The following CASKIN1 variants were observed in gnomAD, a reference collection of about 807,000 sequenced individuals.
CASKIN1 encodes the protein caskin-1.
In CASKIN1, 42 loss-of-function variants were observed where a neutral mutation model predicts 117.5. The observed-to-expected ratio is 0.36, with a 90% CI of 0.28 to 0.46. The LOEUF (loss-of-function observed/expected upper bound fraction) is 0.46. Ranked by LOEUF, CASKIN1 falls within the 20% of genes least tolerant of loss-of-function variation. CASKIN1 has a pLI of 1.00. For synonymous variants in CASKIN1, 1,148 were observed against 961.7 expected, an observed-to-expected ratio of 1.19 and a Z score of -3.59; for missense variants, 2,083 against 2,077.3, an observed-to-expected ratio of 1.00 and a Z score of -0.05.
At chr16:2,186,873 G>T (rs768550550) in intron 9 of CASKIN1, 49 bp from the exon 10 acceptor site, 1 of 1,605,916 alleles carries the variant, frequency 6.2e-7, no homozygotes, top group Admixed American at 1.7e-5. Flanking sequence ...CTTTCGCAGA[G>T]TCTCCTGCCC....
Position 2,180,503 on chromosome 16 carries a change from C to T in CASKIN1, c.2865G>A (p.Ser955=), listed in dbSNP as rs1407451903. The change falls in exon 18 of 20, where the codon TCG becomes TCA. Residue 955 remains serine (S), a synonymous_variant. Coordinates refer to ENST00000343516, the MANE Select transcript of CASKIN1 (RefSeq NM_020764.4). ...PPPPPPKRSS[S]ALASANLADE... ...CCGCCAGGTTGGCACTAGCCAGGGC[C>T]GAGCTGGAGCGCTTGGGTGGGGGCG... 5.8e-6 allele frequency: 9 copies of T among 1,549,384 alleles called. No homozygotes were observed. In the Admixed American group the frequency reaches 7.6e-5, roughly 13 times the overall value.
At position 2,177,836 on chromosome 16, in the gene CASKIN1, A is replaced by G. The variant is rs890360626; in HGVS notation, c.*714T>C. 2 of 263,360 alleles carry G rather than the reference A, an allele frequency of 7.6e-6. No individual in the cohort carries two copies. Among genetic ancestry groups the G allele is most frequent in the Non-Finnish European group, 1.5e-5 (2 of 135,300 alleles). The allele number at this position is 263,360 out of a possible 1,614,324, so 16.3% of individuals were successfully genotyped here. ...TTGGGGCGCAGAGAACTTAGGAGAG[A>G]AGCACGGAGGAGCCCCCGGCAGAGC... On this transcript the variant is annotated 3_prime_UTR_variant, in exon 20 of 20. Transcript: ENST00000343516.
chr16:2,179,623 T>A lies in CASKIN1; in HGVS notation c.3745A>T (p.Lys1249Ter). 1 of 1,467,488 alleles carries A rather than the reference T, an allele frequency of 6.8e-7. No homozygotes were observed. The highest frequency in any genetic ancestry group is 2.7e-5 in the Admixed American group (1 of 37,200). The allele number at this position is 1,467,488 out of a possible 1,614,324, so 90.9% of individuals were successfully genotyped here. A position where few individuals can be genotyped will look rare whatever the true frequency, so the allele number is the denominator to read the frequency against. The change falls in exon 18 of 20, where the codon AAG becomes TAG. Residue 1249 changes from lysine (K) to a stop codon, truncating the protein, a stop_gained. Coordinates refer to ENST00000343516, the MANE Select transcript of CASKIN1 (RefSeq NM_020764.4). LOFTEE classifies it high-confidence loss of function. This position sits in a 1 kb window ranked among gnomAD's most constrained non-coding sequence, Gnocchi z 5.8. ...LQGSPTPTSKKVPLPGPGSPE... is the reference protein window; with the variant it reads ...LQGSPTPTSK ...CTGCCAGGGCCTGGCAGCGGCACCT[T>A]CTTGGAGGTGGGTGTGGGCGAGCCC...
In CASKIN1 at chr16:2,180,186, T is replaced by C. The variant is rs749644528; in HGVS notation, c.3182A>G (p.Asn1061Ser). Residue 1061 changes from asparagine to serine, a missense_variant, in exon 18 of 20, where the codon AAC (asparagine) becomes AGC (serine). Asn to Ser is a conservative substitution (Grantham distance 46, BLOSUM62 1). This residue lies in a region of CASKIN1 where 1,818 missense variants were observed against 1,688.9 expected (regional missense o/e 1.08). Transcript: ENST00000343516. ...TGGCCCGCTGAGCGTGCGGCGCCGG[T>C]TCACCACCTCCCCGCCAGGCCCGAT... ...EAIGPGGEVV[N>S]RRRTLSGPVT... 5 of 1,550,228 alleles carry C rather than the reference T, an allele frequency of 3.2e-6. No homozygotes were observed. In the South Asian group the frequency reaches 4.7e-5, roughly 15 times the overall value.
Position 2,181,094 on chromosome 16 carries a change from G to C in CASKIN1, c.2274C>G (p.Pro758=), listed in dbSNP as rs546211696. The change falls in exon 18 of 20, where the codon CCC becomes CCG. Residue 758 remains proline, a synonymous_variant. Transcript: ENST00000343516. ...GGACCTGCCGTGGCTTGCCAGGCAC[G>C]GGGGGCACGCTGGCCCTCTTGATGC... ...GHSIKRASVP[P]VPGKPRQVLP... is the part of the protein sequence containing the mutation. 6.8e-7 allele frequency: 1 copy of C among 1,479,394 alleles called. No individual in the cohort carries two copies. The highest frequency in any genetic ancestry group is 8.9e-7 in the Non-Finnish European group (1 of 1,122,394). The allele number at this position is 1,479,394 out of a possible 1,614,324, so 91.6% of individuals were successfully genotyped here.
rs61746715 is a variant in CASKIN1, at chr16:2,184,810, C to T, written c.1383G>A (p.Pro461=). Residue 461 remains proline, a synonymous_variant, in exon 14 of 20, where the codon CCG becomes CCA. Transcript: ENST00000343516. ...AHAGQVYGEQ[P]PKKLEPASEG... ...CCGATGCTGGCTCCAGCTTCTTGGG[C>T]GGCTGCTCCCCATAGACCTGCCCGG... 1,065 of 1,538,218 alleles carry T rather than the reference C, an allele frequency of 6.9e-4. 6 individuals carry two copies. The African/African-American group carries it at 0.013, about 19-fold the overall frequency.
rs573154682 is a variant in CASKIN1 at position 2,186,772 on chromosome 16, C to G, written c.983G>C (p.Arg328Pro). 3 of 1,613,038 alleles carry G rather than the reference C, an allele frequency of 1.9e-6. No homozygotes were observed. The highest frequency in any genetic ancestry group is 1.1e-5 in the South Asian group (1 of 91,084). ...GRWKGCIHDN[R>P]TGNDRVGYFP... ...GTAGCCCACCCGGTCATTGCCCGTC[C>G]GGTTGTCATGGATGCAGCCCTTCCA... The change falls in exon 10 of 20, where the codon CGG becomes CCG. Residue 328 changes from arginine (R) to proline (P), a missense_variant. Arg to Pro is a moderately radical substitution (Grantham distance 103). Transcript: ENST00000343516.
intron 6 of CASKIN1, among the ~76,000 whole-genome samples, chr16:2,188,268 C>G (rs1567262593): frequency 6.6e-6 from 1 of 151,812 alleles, no homozygotes; most frequent in South Asian, 2.1e-4. Context: ...CTCACTGCAG[C>G]CTCGACCTCC....
intron 1 of CASKIN1, among the ~76,000 whole-genome samples, chr16:2,191,335 C>T (rs571211110): frequency 6.6e-6 from 1 of 152,218 alleles, no homozygotes. Context: ...GCCCCGGCCT[C>T]AGTCCCAGCC....
At position 2,177,637 on chromosome 16, in the gene CASKIN1, G is replaced by A. The variant is rs151281479; in HGVS notation, c.*913C>T. ...TGCCTGCACAGCCCCTGGAGAGGGG[G>A]CCAGGCACACCCTCAGAGGAGCTGC... On this transcript the variant is annotated 3_prime_UTR_variant, in exon 20 of 20. Coordinates refer to ENST00000343516, the MANE Select transcript of CASKIN1 (RefSeq NM_020764.4). 37 of 237,550 alleles carry A rather than the reference G, an allele frequency of 1.6e-4. 1 individual carries two copies. Among genetic ancestry groups the A allele is most frequent in the Admixed American group, 9.7e-4 (18 of 18,464 alleles). 14.7% of individuals were successfully genotyped at this position (237,550 alleles called of 1,614,324 possible).
rs1227727091 is a variant in CASKIN1 at position 2,180,465 on chromosome 16, G to A, written c.2903C>T (p.Pro968Leu). The change falls in exon 18 of 20, where the codon CCT becomes CTT. Residue 968 changes from proline (P) to leucine (L), a missense_variant. By Grantham distance (98) the Pro-to-Leu change is moderately conservative. Coordinates refer to ENST00000343516, the MANE Select transcript of CASKIN1 (RefSeq NM_020764.4). Reference sequence around the variant, plus strand: ...CAGGCCATCCTCAGGCTCGGCGTCAGGCACCGGCTCATCCGCCAGGTTGGC... The same window carrying A: ...CAGGCCATCCTCAGGCTCGGCGTCAAGCACCGGCTCATCCGCCAGGTTGGC... Reference protein sequence around the residue: ...ASANLADEPVPDAEPEDGLLG... With the variant: ...ASANLADEPVLDAEPEDGLLG... 6.4e-7 allele frequency: 1 copy of A among 1,554,268 alleles called. No individual in the cohort carries two copies. The highest frequency in any genetic ancestry group is 1.9e-5 in the Admixed American group (1 of 53,380).
At chr16:2,178,823 G>GC (rs2093155057) in intron 19 of CASKIN1, 79 bp downstream of exon 19, 1 of 1,328,468 alleles carries the variant, frequency 7.5e-7, no homozygotes, top group African/African-American at 1.7e-5. Context: ...TCTCTGCCGA[G>GC]CCCCGCCCAT....
Position 2,180,121 on chromosome 16 carries a change from C to A in CASKIN1, c.3247G>T (p.Glu1083Ter). ...LLATARRGPG[E>*]SADPGPFVED... ...ACAAAGGGGCCTGGGTCTGCCGACT[C>A]CCCAGGCCCCCGGCGGGCAGTGGCC... The change falls in exon 18 of 20, where the codon GAG becomes TAG. Residue 1083 changes from glutamate to a stop codon, truncating the protein, a stop_gained. Coordinates refer to ENST00000343516, the MANE Select transcript of CASKIN1 (RefSeq NM_020764.4). LOFTEE classifies it high-confidence loss of function. The A allele has an allele frequency of 6.4e-7, 1 of 1,552,612 alleles. No homozygotes were observed. Among genetic ancestry groups the A allele is most frequent in the East Asian group, 2.4e-5 (1 of 41,106 alleles).
chr16:2,188,846 C>G, intron 6 of CASKIN1, 181 bp downstream of exon 6: 1 of 854,640 alleles, frequency 1.2e-6, no homozygotes, highest in Non-Finnish European at 1.7e-6. Flanking sequence ...AGCCCCCTTC[C>G]CAGCCCCTGC....
At chr16:2,186,677 G>A (rs1211503226) in intron 10 of CASKIN1, 30 bp downstream of exon 10, 2 of 1,590,738 alleles carry the variant, frequency 1.3e-6, no homozygotes, top group Non-Finnish European at 1.7e-6. Context: ...AGGGGCTCCT[G>A]CCTGCCCCCC....
chr16:2,184,411 C>T (rs563600737), intron 14 of CASKIN1, among the ~76,000 whole-genome samples: 3 of 152,254 alleles, frequency 2.0e-5, no homozygotes, highest in South Asian at 2.1e-4. Context: ...TACAGCTCTC[C>T]GGCACACGAG....
chr16:2,180,004 C>G lies in CASKIN1; in HGVS notation c.3364G>C (p.Ala1122Pro), dbSNP rs372864295. The G allele has an allele frequency of 6.2e-7, 1 of 1,601,620 alleles. No individual in the cohort carries two copies. The highest frequency in any genetic ancestry group is 8.5e-7 in the Non-Finnish European group (1 of 1,174,542). ...GPPLAKVEAS[A>P]TLKRRIRAKQ... The stretch of plus-strand genomic sequence containing the variant: ...GCCCGGATGCGCCTCTTGAGTGTGG[C>G]GCTGGCTTCCACCTTGGCCAAGGGC... Residue 1122 changes from alanine to proline, a missense_variant, in exon 18 of 20, where the codon GCC (alanine) becomes CCC (proline). Ala to Pro is a conservative substitution (Grantham distance 27). Transcript: ENST00000343516.
chr16:2,185,433 A>G lies in CASKIN1; in HGVS notation c.1049-25T>C, dbSNP rs760602246. On this transcript the variant is annotated intron_variant, in intron 10 of 19. Transcript: ENST00000343516. ...CCTGTGGGTCAAGCAAAGCCTCCTAAGTCCTGGGCCAGCGATGGCGGGTAC... is the reference window on the plus strand; with the variant it reads ...CCTGTGGGTCAAGCAAAGCCTCCTAGGTCCTGGGCCAGCGATGGCGGGTAC... 1.4e-5 allele frequency: 22 copies of G among 1,565,652 alleles called. No homozygotes were observed. In the East Asian group the frequency reaches 4.5e-4, roughly 32 times the overall value.
At chr16:2,192,302 CAAAAA>C (rs769383895) in intron 1 of CASKIN1, among the ~76,000 whole-genome samples, 1 of 127,496 alleles carries the variant, frequency 7.8e-6, no homozygotes, top group Non-Finnish European at 1.7e-5. Flanking sequence ...GACCCTGTCT[CAAAAA>C]AAAAAAAAGG....
Sources: gnomAD v4.1 joint callset for allele counts (sites outside exome capture counted in the v4.1 genomes callset) on GRCh38, gnomAD v4.1.1 for gene constraint, gnomAD v4.1.1 regional missense constraint, Gnocchi (gnomAD v3.1) non-coding constraint, MANE v1.5 for transcripts, NCBI Gene and HGNC (gene_info 2026-07-23, HGNC 2026-07-21) for gene names.